Variants in WDFY3 observed in about 807,000 individuals in gnomAD.
The protein encoded by WDFY3 is WD repeat and FYVE domain-containing protein 3.
A neutral mutation model predicts 409.6 loss-of-function variants in WDFY3; 66 were observed. The ratio of observed to expected loss-of-function variants is 0.16; its 90% CI spans 0.13 to 0.20. The LOEUF is 0.20. Ranked by LOEUF, WDFY3 falls within the 10% of genes least tolerant of loss-of-function variation. The pLI is 1.00. For synonymous variants in WDFY3, 1,521 were observed against 1,537.1 expected (o/e 0.99, Z 0.25); for missense variants, 3,031 against 4,298.1 (o/e 0.71, Z 8.24).
intron 13 of WDFY3, among the ~76,000 whole-genome samples, chr4:84,813,865 G>A (rs1752881322): frequency 1.3e-5 from 2 of 152,056 alleles, no homozygotes; most frequent in African/African-American, 2.4e-5. Context: ...TTCAAATATC[G>A]ACACTCATGT....
intron 25 of WDFY3, among the ~76,000 whole-genome samples, chr4:84,780,572 CA>C (rs1746316970): frequency 1.3e-5 from 2 of 151,916 alleles, no homozygotes; most frequent in Non-Finnish European, 2.9e-5. Flanking sequence ...GTCTGACCAA[CA>C]TGGTGAAACC....
chr4:84,959,879 A>G (rs1037061701), intron 1 of WDFY3, among the ~76,000 whole-genome samples: 56 of 152,368 alleles, frequency 3.7e-4, no homozygotes, highest in African/African-American at 1.3e-3. Flanking sequence ...TAAACATTAC[A>G]GTATTAGATG....
chr4:84,765,377 C>T (rs1743447655), intron 32 of WDFY3, among the ~76,000 whole-genome samples: 1 of 152,094 alleles, frequency 6.6e-6, no homozygotes, highest in African/African-American at 2.4e-5. Flanking sequence ...AATTTGGTTT[C>T]CTAATCTGCA....
chr4:84,720,717 T>G (rs920798825), intron 47 of WDFY3, among the ~76,000 whole-genome samples: 1 of 152,226 alleles, frequency 6.6e-6, no homozygotes, highest in Non-Finnish European at 1.5e-5. Flanking sequence ...CTTGTACAGC[T>G]TGTAGAAGCG....
rs945460253 is a variant in WDFY3 at position 84,672,311 on chromosome 4, T to C, written c.*557A>G. 2 of 152,200 alleles carry C rather than the reference T, an allele frequency of 1.3e-5. No homozygotes were observed. The highest frequency in any genetic ancestry group is 6.5e-5 in the Admixed American group (1 of 15,278). 9.4% of individuals were successfully genotyped at this position (152,200 alleles called of 1,614,324 possible). A position where few individuals can be genotyped will look rare whatever the true frequency, so the allele number is the denominator to read the frequency against. On this transcript the variant is annotated 3_prime_UTR_variant, in exon 68 of 68. Transcript: ENST00000295888. ...ATGTCTTTGGGGATTTAAAAAAACA[T>C]ATTTATAATTAATTGGTAAGTGAGG...
At chr4:84,720,807 A>G (rs1560596999) in intron 47 of WDFY3, among the ~76,000 whole-genome samples, 1 of 149,214 alleles carries the variant, frequency 6.7e-6, no homozygotes, top group Non-Finnish European at 1.5e-5. Context: ...GGACAACCAC[A>G]ATGAGTAAAG....
In WDFY3 at chr4:84,966,429, G is replaced by A. The variant is rs1156675619; in HGVS notation, c.-446C>T. 2 of 153,516 alleles carry A rather than the reference G, an allele frequency of 1.3e-5. No homozygotes were observed. The highest frequency in any genetic ancestry group is 3.9e-4 in the East Asian group (2 of 5,120). 9.5% of individuals were successfully genotyped at this position (153,516 alleles called of 1,614,324 possible). A position where few individuals can be genotyped will look rare whatever the true frequency, so the allele number is the denominator to read the frequency against. On this transcript the variant is annotated 5_prime_UTR_variant, in exon 1 of 68. Coordinates refer to ENST00000295888, the MANE Select transcript of WDFY3 (RefSeq NM_014991.6). ...CCGGTCCGCCGGGCCAGGCAGCGGTGCTAGGCAGCAGGGGCAGCGACGCCG... is the reference window on the plus strand; with the variant it reads ...CCGGTCCGCCGGGCCAGGCAGCGGTACTAGGCAGCAGGGGCAGCGACGCCG...
intron 39 of WDFY3, among the ~76,000 whole-genome samples, chr4:84,739,674 T>C (rs1197812646): frequency 6.6e-6 from 1 of 152,186 alleles, no homozygotes; most frequent in African/African-American, 2.4e-5. Context: ...CACTGGGTTG[T>C]TCCTAGCAGA....
intron 5 of WDFY3, 150 bp downstream of exon 5, chr4:84,849,752 G>T: frequency 9.0e-7 from 1 of 1,114,090 alleles, no homozygotes; most frequent in Non-Finnish European, 1.2e-6. Flanking sequence ...ACCAGGAAAA[G>T]AATGTGACTC....
intron 53 of WDFY3, among the ~76,000 whole-genome samples, chr4:84,707,389 T>C (rs1053731480): frequency 6.6e-6 from 1 of 152,110 alleles, no homozygotes; most frequent in African/African-American, 2.4e-5. Flanking sequence ...AATGAGACAC[T>C]GGGTACACTG....
At chr4:84,774,362 A>G (rs956264820) in intron 29 of WDFY3, among the ~76,000 whole-genome samples, 31 of 152,376 alleles carry the variant, frequency 2.0e-4, no homozygotes, top group African/African-American at 7.2e-4. Flanking sequence ...AATAATACTT[A>G]TATCATACAA....
At chr4:84,739,681 C>A (rs1252427020) in intron 39 of WDFY3, among the ~76,000 whole-genome samples, 1 of 152,160 alleles carries the variant, frequency 6.6e-6, no homozygotes, top group Non-Finnish European at 1.5e-5. Context: ...TTGTTCCTAG[C>A]AGATCACTCA....
chr4:84,860,528 C>T lies in WDFY3; in HGVS notation c.64G>A (p.Ala22Thr), dbSNP rs138518540. ...CGGCGGAGGTGCATCAGTCCTAAGG[C>T]GTTGTCTTGTGGGCTGCACTCCTCC... is the stretch of plus-strand genomic sequence containing the variant. ...RQEECSPQDN[A>T]LGLMHLRRLF... The change falls in exon 4 of 68, where the codon GCC (alanine) becomes ACC (threonine). Residue 22 changes from alanine (A) to threonine (T), a missense_variant. Transcript: ENST00000295888. 110 of 1,613,996 alleles carry T rather than the reference C, an allele frequency of 6.8e-5. No homozygotes were observed. The African/African-American group carries it at 1.1e-3, about 17-fold the overall frequency.
At chr4:84,697,833 A>C (rs1730378353) in intron 56 of WDFY3, among the ~76,000 whole-genome samples, 1 of 152,220 alleles carries the variant, frequency 6.6e-6, no homozygotes, top group African/African-American at 2.4e-5. Flanking sequence ...TAGAACACAA[A>C]GCCAATTCCA....
At chr4:84,798,415 G>GC (rs1749893305) in intron 17 of WDFY3, among the ~76,000 whole-genome samples, 1 of 152,068 alleles carries the variant, frequency 6.6e-6, no homozygotes. Context: ...TACAAAAAAT[G>GC]CAAGTATAGT....
At chr4:84,827,388 A>G (rs373691004) in intron 9 of WDFY3, among the ~76,000 whole-genome samples, 2 of 152,148 alleles carry the variant, frequency 1.3e-5, no homozygotes, top group African/African-American at 4.8e-5. Flanking sequence ...TACTATATAC[A>G]GTATGTTGTA....
At chr4:84,788,577 A>C (rs896530230) in intron 22 of WDFY3, among the ~76,000 whole-genome samples, 8 of 152,224 alleles carry the variant, frequency 5.3e-5, no homozygotes, top group Non-Finnish European at 1.2e-4. Context: ...CTATTCCACA[A>C]GGTGCATTTT....
At chr4:84,911,887 G>A (rs1394575918) in intron 2 of WDFY3, among the ~76,000 whole-genome samples, 1 of 152,148 alleles carries the variant, frequency 6.6e-6, no homozygotes, top group Non-Finnish European at 1.5e-5. Flanking sequence ...AAACAGTGAA[G>A]ATGCAGTATT....
intron 64 of WDFY3, 42 bp downstream of exon 64, chr4:84,682,332 A>C: frequency 6.4e-7 from 1 of 1,573,508 alleles, no homozygotes; most frequent in Non-Finnish European, 8.7e-7. Flanking sequence ...CTTAAAAGAA[A>C]TATGAAAACG....
Sources: allele counts gnomAD v4.1 joint callset (sites outside exome capture counted in the v4.1 genomes callset), GRCh38; gene constraint gnomAD v4.1.1; transcripts MANE v1.5; gene names NCBI Gene and HGNC (gene_info 2026-07-23, HGNC 2026-07-21).